B3GALT1: variants seen among roughly 807,000 people sequenced by gnomAD.
The protein encoded by B3GALT1 is beta-1,3-galactosyltransferase 1.
B3GALT1 carries 10 observed loss-of-function variants against 23.2 expected under a neutral mutation model. That is an observed-to-expected ratio of 0.43 (90% CI 0.27 to 0.73). The LOEUF is 0.73. Ranked by LOEUF, B3GALT1 falls within the 30% of genes least tolerant of loss-of-function variation. The pLI, the probability that B3GALT1 is intolerant of heterozygous loss-of-function variation, is 0.21. For missense variants in B3GALT1, 299 were observed against 405.4 expected (o/e 0.74, Z 2.25); for synonymous variants, 156 against 141.5 (o/e 1.10, Z -0.73).
chr2:167,494,602 C>T (rs992403423), intron 2 of B3GALT1, among the ~76,000 whole-genome samples: 1 of 151,988 alleles, frequency 6.6e-6, no homozygotes. Context: ...AGTTTTAATT[C>T]TAAAATTTTC....
rs147595758 is a variant in B3GALT1 at position 167,381,244 on chromosome 2, A to T, written c.-511+87910A>T. Among the ~76,000 whole-genome samples the T allele has an allele frequency of 1.2e-4, 18 of 152,074 alleles. No individual in the cohort carries two copies. The East Asian group carries it at 3.5e-3, about 30-fold the overall frequency. On this transcript the variant is annotated intron_variant, in intron 1 of 4. Coordinates refer to ENST00000392690, the MANE Select transcript of B3GALT1 (RefSeq NM_020981.4). ...CACCATGCCTGGCTAATTTTTTTTC[A>T]GAGATGGAGTCTCACTACATTGTGT... is the stretch of plus-strand genomic sequence containing the variant.
At chr2:167,499,365 G>A (rs772789114) in intron 2 of B3GALT1, among the ~76,000 whole-genome samples, 38 of 152,180 alleles carry the variant, frequency 2.5e-4, no homozygotes, top group East Asian at 9.6e-4. Context: ...TTAAAAGATA[G>A]CACTATTGGT....
intron 1 of B3GALT1, among the ~76,000 whole-genome samples, chr2:167,483,199 A>T (rs1699583922): frequency 6.6e-6 from 1 of 152,076 alleles, no homozygotes; most frequent in South Asian, 2.1e-4. Context: ...AGGCTGAGGC[A>T]GGAGAATCAC....
intron 1 of B3GALT1, among the ~76,000 whole-genome samples, chr2:167,340,448 C>T (rs1339058750): frequency 6.6e-6 from 1 of 151,834 alleles, no homozygotes; most frequent in Non-Finnish European, 1.5e-5. Context: ...TGAAGCTACT[C>T]AAAGCAGAAA....
chr2:167,431,515 C>G (rs998225826), intron 1 of B3GALT1, among the ~76,000 whole-genome samples: 5 of 152,182 alleles, frequency 3.3e-5, no homozygotes, highest in South Asian at 2.1e-4. Context: ...GGAAAAATAT[C>G]TCCCCCAAAT....
chr2:167,448,319 C>G (rs576850538), intron 1 of B3GALT1, among the ~76,000 whole-genome samples: 10 of 152,184 alleles, frequency 6.6e-5, no homozygotes, highest in Non-Finnish European at 1.2e-4. Flanking sequence ...GTCATTCTTG[C>G]AGGAGTAAGG....
intron 4 of B3GALT1, among the ~76,000 whole-genome samples, chr2:167,865,681 A>G (rs939348785): frequency 1.3e-5 from 2 of 152,106 alleles, no homozygotes; most frequent in Admixed American, 6.5e-5. Context: ...AGTCCCAGCT[A>G]CTTGGGAGGC....
intron 3 of B3GALT1, among the ~76,000 whole-genome samples, chr2:167,674,889 A>AT (rs755879512): frequency 6.6e-6 from 1 of 152,154 alleles, no homozygotes; most frequent in Non-Finnish European, 1.5e-5. Flanking sequence ...TTTTTAAAAT[A>AT]TTTTTTCTTC....
At chr2:167,378,208 T>A (rs188502167) in intron 1 of B3GALT1, among the ~76,000 whole-genome samples, 52 of 152,270 alleles carry the variant, frequency 3.4e-4, no homozygotes, top group African/African-American at 1.2e-3. Flanking sequence ...CTTGATGGGG[T>A]TCCCTTAGTC....
At chr2:167,825,032 T>G (rs1304499529) in intron 4 of B3GALT1, among the ~76,000 whole-genome samples, 6 of 151,796 alleles carry the variant, frequency 4.0e-5, no homozygotes, top group Non-Finnish European at 7.4e-5. Context: ...CTGCCTGTAA[T>G]CCCAGCACTT....
At chr2:167,813,401 G>A (rs1342243511) in intron 3 of B3GALT1, among the ~76,000 whole-genome samples, 2 of 152,150 alleles carry the variant, frequency 1.3e-5, no homozygotes, top group Non-Finnish European at 2.9e-5. Flanking sequence ...AATAGATATA[G>A]TCAACACTGA....
intron 3 of B3GALT1, among the ~76,000 whole-genome samples, chr2:167,705,211 T>A (rs768465366): frequency 2.0e-5 from 3 of 152,194 alleles, no homozygotes; most frequent in Admixed American, 1.3e-4. Context: ...GTATACTTGT[T>A]TGAGTTGTGA....
At chr2:167,865,799 A>T (rs1392168300) in intron 4 of B3GALT1, among the ~76,000 whole-genome samples, 1 of 152,256 alleles carries the variant, frequency 6.6e-6, no homozygotes, top group South Asian at 2.1e-4. Flanking sequence ...CTCAAAAACA[A>T]TAAATAAATA....
intron 4 of B3GALT1, among the ~76,000 whole-genome samples, chr2:167,855,076 T>C (rs927435480): frequency 7.9e-5 from 12 of 152,176 alleles, no homozygotes; most frequent in Admixed American, 3.9e-4. Context: ...GATGAATTCT[T>C]CATCCTCTGT....
At chr2:167,685,573 G>A (rs1686605019) in intron 3 of B3GALT1, among the ~76,000 whole-genome samples, 1 of 152,134 alleles carries the variant, frequency 6.6e-6, no homozygotes. Flanking sequence ...GAGGCCCTGA[G>A]GCACAAAGGA....
intron 2 of B3GALT1, among the ~76,000 whole-genome samples, chr2:167,495,990 C>T (rs1273173750): frequency 6.6e-6 from 1 of 152,138 alleles, no homozygotes; most frequent in East Asian, 1.9e-4. Flanking sequence ...TTTTCCAGAA[C>T]ATGAAAGTAG....
chr2:167,466,532 A>G (rs1474932239), intron 1 of B3GALT1, among the ~76,000 whole-genome samples: 1 of 144,700 alleles, frequency 6.9e-6, no homozygotes, highest in African/African-American at 2.5e-5. Context: ...AGGCAGGAGA[A>G]TTGCTTGAAC....
chr2:167,871,067 A>G lies in B3GALT1; in HGVS notation c.*1047A>G, dbSNP rs1190220359. The G allele has an allele frequency of 6.5e-6, 1 of 152,932 alleles. No homozygotes were observed. The highest frequency in any genetic ancestry group is 1.5e-5 in the Non-Finnish European group (1 of 68,042). 9.5% of individuals were successfully genotyped at this position (152,932 alleles called of 1,614,324 possible). A position where few individuals can be genotyped will look rare whatever the true frequency, so the allele number is the denominator to read the frequency against. ...TTGGCCCTACTTGCTAACATCTGAA[A>G]ACACCAGAGCATGTTCAGCAGCAAT... On this transcript the variant is annotated 3_prime_UTR_variant, in exon 5 of 5. Coordinates refer to ENST00000392690, the MANE Select transcript of B3GALT1 (RefSeq NM_020981.4).
chr2:167,498,688 A>G (rs1699809288), intron 2 of B3GALT1, among the ~76,000 whole-genome samples: 1 of 152,164 alleles, frequency 6.6e-6, no homozygotes, highest in Admixed American at 6.6e-5. Flanking sequence ...GATGTGATAG[A>G]TGGTAGGAGT....
Sources: allele counts gnomAD v4.1 joint callset (sites outside exome capture counted in the v4.1 genomes callset), GRCh38; gene constraint gnomAD v4.1.1; transcripts MANE v1.5; gene names NCBI Gene and HGNC (gene_info 2026-07-23, HGNC 2026-07-21).